Variants in ADK observed in about 807,000 individuals in gnomAD.
The protein encoded by ADK is adenosine kinase.
In ADK, 24 loss-of-function variants were observed where a neutral mutation model predicts 44.7. That is an observed-to-expected ratio of 0.54 (90% CI 0.39 to 0.76). ADK has a LOEUF of 0.76. Ranked by LOEUF, ADK falls within the 30% of genes least tolerant of loss-of-function variation. The pLI, the probability that ADK is intolerant of heterozygous loss-of-function variation, is 0.00. For synonymous variants in ADK, 128 were observed against 142.6 expected, an observed-to-expected ratio of 0.90 and a Z score of 0.73; for missense variants, 321 against 425.1, an observed-to-expected ratio of 0.76 and a Z score of 2.15.
At chr10:74,702,512 CTTCCTTCCTTCT>C (rs1856460165) in intron 10 of ADK, among the ~76,000 whole-genome samples, 1 of 135,392 alleles carries the variant, frequency 7.4e-6, no homozygotes, top group African/African-American at 2.7e-5. Flanking sequence ...CTCAGTCTGT[CTTCCTTCCTTCT>C]TTCCTTCCTT....
At chr10:74,474,449 CTTTT>C (rs955153332) in intron 6 of ADK, among the ~76,000 whole-genome samples, 1 of 151,890 alleles carries the variant, frequency 6.6e-6, no homozygotes, top group Non-Finnish European at 1.5e-5. Flanking sequence ...TTCTTTCTTT[CTTTT>C]CTTTTCCTTT....
At chr10:74,393,064 TG>T (rs888464211) in intron 4 of ADK, among the ~76,000 whole-genome samples, 1 of 152,142 alleles carries the variant, frequency 6.6e-6, no homozygotes, top group Non-Finnish European at 1.5e-5. Flanking sequence ...TCTGTAGAAG[TG>T]GGATTGCTGG....
chr10:74,180,244 A>ATTATTAATT (rs1383452897), intron 1 of ADK, among the ~76,000 whole-genome samples: 16 of 146,048 alleles, frequency 1.1e-4, no homozygotes, highest in African/African-American at 4.0e-4. Context: ...TGTTATTATT[A>ATTATTAATT]ATTATTATTT....
Position 74,394,213 on chromosome 10 carries a change from C to A in ADK, c.346C>A (p.Leu116Met), listed in dbSNP as rs769185684. Reference sequence around the variant, plus strand: ...TGGGATAGATAAATTTGGGGAGATCCTGAAGAGAAAAGCTGCTGAAGCCCA... The same window carrying A: ...TGGGATAGATAAATTTGGGGAGATCATGAAGAGAAAAGCTGCTGAAGCCCA... ...CIGIDKFGEI[L>M]KRKAAEAHVD... Residue 116 changes from leucine (L) to methionine (M), a missense_variant, in exon 5 of 11, where the codon CTG becomes ATG. Physicochemically the swap from Leu to Met is conservative, Grantham distance 15. Transcript: ENST00000539909. 4.3e-6 allele frequency: 7 copies of A among 1,613,862 alleles called. No individual in the cohort carries two copies. The highest frequency in any genetic ancestry group is 4.2e-6 in the Non-Finnish European group (5 of 1,179,964).
chr10:74,570,219 C>G (rs1350213366), intron 7 of ADK, among the ~76,000 whole-genome samples: 2 of 152,160 alleles, frequency 1.3e-5, no homozygotes, highest in Admixed American at 6.5e-5. Flanking sequence ...ATGCCTCCAG[C>G]TTTGTTCTTT....
At chr10:74,317,303 A>G (rs1564650303) in intron 4 of ADK, among the ~76,000 whole-genome samples, 1 of 152,226 alleles carries the variant, frequency 6.6e-6, no homozygotes, top group Non-Finnish European at 1.5e-5. Flanking sequence ...CAGCATGTAT[A>G]TAACACTGCT....
At chr10:74,272,032 T>A (rs1333458876) in intron 3 of ADK, among the ~76,000 whole-genome samples, 2 of 152,146 alleles carry the variant, frequency 1.3e-5, no homozygotes, top group Admixed American at 6.6e-5. Flanking sequence ...TATGTTATGA[T>A]GTGTAGATGA....
intron 9 of ADK, among the ~76,000 whole-genome samples, chr10:74,618,635 A>G (rs534751624): frequency 1.3e-5 from 2 of 152,232 alleles, no homozygotes; most frequent in African/African-American, 2.4e-5. Context: ...TTGCCTTTCA[A>G]TGTGTATAGT....
At chr10:74,216,500 G>T (rs1336341865) in intron 2 of ADK, among the ~76,000 whole-genome samples, 2 of 151,940 alleles carry the variant, frequency 1.3e-5, no homozygotes, top group South Asian at 4.1e-4. Flanking sequence ...CAAGGTGGGC[G>T]GATCACTTGA....
chr10:74,439,345 A>G (rs1200407040), intron 6 of ADK, among the ~76,000 whole-genome samples: 1 of 151,946 alleles, frequency 6.6e-6, no homozygotes, highest in African/African-American at 2.4e-5. Flanking sequence ...TCCCTGTCTT[A>G]TCTTTTGAGT....
At chr10:74,556,885 T>A (rs1665962114) in intron 7 of ADK, among the ~76,000 whole-genome samples, 1 of 152,168 alleles carries the variant, frequency 6.6e-6, no homozygotes, top group African/African-American at 2.4e-5. Context: ...TACTATCACA[T>A]TTAGAGTGTG....
At position 74,344,686 on chromosome 10, in the gene ADK, T is replaced by G. The variant is rs117110657; in HGVS notation, c.273+29941T>G. 1,485 of 172,486 alleles carry G rather than the reference T, an allele frequency of 8.6e-3. 12 individuals carry two copies. Among genetic ancestry groups the G allele is most frequent in the Non-Finnish European group, 0.013 (1,063 of 79,192 alleles). 10.7% of individuals were successfully genotyped at this position (172,486 alleles called of 1,614,324 possible). A position where few individuals can be genotyped will look rare whatever the true frequency, so the allele number is the denominator to read the frequency against. The stretch of plus-strand genomic sequence containing the variant: ...CTGAACAGGCTGGTCTCTTCAGGTT[T>G]TACATCTGTTGTGCAGTCTTAACAC... On this transcript the variant is annotated intron_variant, in intron 4 of 10. Coordinates refer to ENST00000539909, the MANE Select transcript of ADK (RefSeq NM_006721.4).
chr10:74,455,897 G>T (rs1845927812), intron 6 of ADK, among the ~76,000 whole-genome samples: 1 of 152,056 alleles, frequency 6.6e-6, no homozygotes, highest in African/African-American at 2.4e-5. Context: ...TCACTTTGTG[G>T]GTAACCCAAC....
At chr10:74,528,567 CAAG>C (rs1422063957) in intron 7 of ADK, among the ~76,000 whole-genome samples, 9 of 151,408 alleles carry the variant, frequency 5.9e-5, no homozygotes, top group African/African-American at 2.4e-5. Flanking sequence ...AGGACACTAA[CAAG>C]AATGTGAAAA....
intron 6 of ADK, among the ~76,000 whole-genome samples, chr10:74,486,918 A>T (rs140909033): frequency 9.9e-5 from 15 of 152,130 alleles, no homozygotes; most frequent in African/African-American, 3.6e-4. Context: ...TCCCAGATCT[A>T]TGTGTACTAT....
At chr10:74,623,060 T>A (rs1853056109) in intron 9 of ADK, among the ~76,000 whole-genome samples, 1 of 152,132 alleles carries the variant, frequency 6.6e-6, no homozygotes, top group South Asian at 2.1e-4. Context: ...AATCCCAGAC[T>A]AGTCCAATCT....
intron 4 of ADK, among the ~76,000 whole-genome samples, chr10:74,370,068 C>A (rs1026724691): frequency 3.3e-5 from 5 of 152,048 alleles, no homozygotes; most frequent in African/African-American, 4.8e-5. Context: ...ACAAATCTGA[C>A]AAAAGATCTG....
At chr10:74,291,658 A>G (rs1564636268) in intron 3 of ADK, among the ~76,000 whole-genome samples, 1 of 151,364 alleles carries the variant, frequency 6.6e-6, no homozygotes, top group Non-Finnish European at 1.5e-5. Context: ...TTTTTTTCAA[A>G]TATTTTTATA....
intron 4 of ADK, among the ~76,000 whole-genome samples, chr10:74,387,881 A>C (rs1182227575): frequency 6.6e-6 from 1 of 151,972 alleles, no homozygotes; most frequent in Non-Finnish European, 1.5e-5. Context: ...GTAGGTTGTT[A>C]GTCAATTTCT....
Sources: allele counts gnomAD v4.1 joint callset (sites outside exome capture counted in the v4.1 genomes callset), GRCh38; gene constraint gnomAD v4.1.1; transcripts MANE v1.5; gene names NCBI Gene and HGNC (gene_info 2026-07-23, HGNC 2026-07-21).